Variants in LRRK1 observed in about 807,000 individuals in gnomAD.
LRRK1 encodes leucine-rich repeat serine/threonine-protein kinase 1.
Under a neutral mutation model 209.1 loss-of-function variants are expected in LRRK1, and 113 were observed. The observed-to-expected ratio is 0.54, with a 90% CI of 0.46 to 0.63. LRRK1 has a LOEUF of 0.63. Ranked by LOEUF, LRRK1 falls within the 30% of genes least tolerant of loss-of-function variation. The pLI, the probability that LRRK1 is intolerant of heterozygous loss-of-function variation, is 0.00. For synonymous variants in LRRK1, 1,144 were observed against 1,099.7 expected (o/e 1.04, Z -0.80); for missense variants, 2,284 against 2,632.2 (o/e 0.87, Z 2.89).
rs529806762 is a variant in LRRK1 at position 101,000,875 on chromosome 15, G to A, written c.763-7962G>A. The stretch of plus-strand genomic sequence containing the variant: ...GCATATCTTTTTGGAGGGACACACT[G>A]CAACCCGTCACACCATCCTTGCTGC... On this transcript the variant is annotated intron_variant, in intron 6 of 33. Coordinates refer to ENST00000388948, the MANE Select transcript of LRRK1 (RefSeq NM_024652.6). 1.1e-4 allele frequency among the ~76,000 whole-genome samples: 16 copies of A among 152,286 alleles called. No individual in the cohort carries two copies. The South Asian group carries it at 3.3e-3, about 32-fold the overall frequency.
intron 2 of LRRK1, among the ~76,000 whole-genome samples, chr15:100,951,982 T>C (rs2042663507): frequency 2.0e-5 from 3 of 149,880 alleles, no homozygotes; most frequent in African/African-American, 4.9e-5. Flanking sequence ...ATAATAATAA[T>C]AATAAAATAA....
At chr15:101,020,369 CTTTTT>C (rs1258764876) in intron 12 of LRRK1, among the ~76,000 whole-genome samples, 1 of 98,456 alleles carries the variant, frequency 1.0e-5, no homozygotes, top group Non-Finnish European at 1.9e-5. Flanking sequence ...CGGTTCTGAA[CTTTTT>C]TTTTTTTTTT....
intron 6 of LRRK1, among the ~76,000 whole-genome samples, chr15:101,007,659 C>T (rs370934247): frequency 1.3e-5 from 2 of 152,100 alleles, no homozygotes; most frequent in Admixed American, 6.5e-5. Context: ...GGCCTCCTGC[C>T]GGGAGGCCGT....
At chr15:101,011,310 T>TAA (rs542617086) in intron 9 of LRRK1, among the ~76,000 whole-genome samples, 460 of 138,344 alleles carry the variant, frequency 3.3e-3, no homozygotes, top group Middle Eastern at 7.6e-3. Flanking sequence ...CTACTAAAAT[T>TAA]AAAAAAAAAA....
chr15:101,051,824 G>A lies in LRRK1; in HGVS notation c.3553G>A (p.Val1185Met), dbSNP rs866854209. 3 of 1,614,172 alleles carry A rather than the reference G, an allele frequency of 1.9e-6. No individual in the cohort carries two copies. The East Asian group carries it at 6.7e-5, about 36-fold the overall frequency. The change falls in exon 24 of 34, where the codon GTG becomes ATG. Residue 1185 changes from valine (V) to methionine (M), a missense_variant. Val to Met is a conservative substitution (Grantham distance 21). Around this residue, in one of 6 missense-constraint regions of LRRK1, gnomAD observed 780 missense variants for 985.2 expected, o/e 0.79. Transcript: ENST00000388948. ...GGACCCCAGTGAGAAATCAGAGGAT[G>A]TGCAGTACTTCGACATGGAAGACTG... is the stretch of plus-strand genomic sequence containing the variant. ...HTDPSEKSED[V>M]QYFDMEDCVL...
At chr15:101,048,447 G>A in intron 21 of LRRK1, 47 bp from the exon 22 acceptor site, 1 of 1,561,150 alleles carries the variant, frequency 6.4e-7, no homozygotes, top group Non-Finnish European at 8.7e-7. Flanking sequence ...CCCAGGGCCA[G>A]CGAGGAGCCC....
At chr15:100,956,455 C>CTTTTCTTTTTTTTTTTT in intron 2 of LRRK1, among the ~76,000 whole-genome samples, 1 of 60,536 alleles carries the variant, frequency 1.7e-5, no homozygotes, top group Non-Finnish European at 2.9e-5. Flanking sequence ...TTTTTTTTTT[C>CTTTTCTTTTTTTTTTTT]TTTTTTTTTT....
At chr15:101,065,130 CTT>C (rs1362105140) in intron 31 of LRRK1, 1 of 595,652 alleles carries the variant, frequency 1.7e-6, no homozygotes, top group African/African-American at 1.9e-5. Flanking sequence ...TGGCACATTC[CTT>C]TCTTTGCTGC....
chr15:100,961,557 G>A (rs1037210428), intron 2 of LRRK1, among the ~76,000 whole-genome samples: 3 of 151,944 alleles, frequency 2.0e-5, no homozygotes, highest in African/African-American at 4.8e-5. Context: ...GGAGGCTGAG[G>A]CAGGAGAATC....
At chr15:100,973,184 C>T (rs1449544021) in intron 2 of LRRK1, among the ~76,000 whole-genome samples, 1 of 152,216 alleles carries the variant, frequency 6.6e-6, no homozygotes, top group African/African-American at 2.4e-5. Flanking sequence ...CAAGGCTGGC[C>T]TCTCCTCCCG....
intron 2 of LRRK1, among the ~76,000 whole-genome samples, chr15:100,948,178 GTAGGTT>G (rs1321086142): frequency 6.6e-6 from 1 of 152,198 alleles, no homozygotes; most frequent in Non-Finnish European, 1.5e-5. Flanking sequence ...TGTTATGCAT[GTAGGTT>G]TCTGTTTCTG....
intron 2 of LRRK1, among the ~76,000 whole-genome samples, chr15:100,934,176 G>A (rs888673869): frequency 2.0e-5 from 3 of 152,132 alleles, no homozygotes; most frequent in Non-Finnish European, 2.9e-5. Flanking sequence ...AGGGAAATTT[G>A]CAGTCAGCTG....
intron 2 of LRRK1, among the ~76,000 whole-genome samples, chr15:100,965,848 C>T (rs1027677729): frequency 2.0e-5 from 3 of 152,252 alleles, no homozygotes; most frequent in Admixed American, 2.0e-4. Context: ...AAAATAATGA[C>T]ATAAATTATA....
intron 2 of LRRK1, among the ~76,000 whole-genome samples, chr15:100,936,826 G>A (rs2042307962): frequency 6.6e-6 from 1 of 152,224 alleles, no homozygotes; most frequent in Admixed American, 6.5e-5. Flanking sequence ...TAGGGATGGG[G>A]TAACCAGAGT....
intron 2 of LRRK1, among the ~76,000 whole-genome samples, chr15:100,955,851 G>A (rs887722979): frequency 6.6e-6 from 1 of 152,076 alleles, no homozygotes; most frequent in African/African-American, 2.4e-5. Context: ...CTTCATAATG[G>A]TGTATGATTT....
intron 12 of LRRK1, among the ~76,000 whole-genome samples, chr15:101,019,451 G>A (rs1377427947): frequency 6.6e-6 from 1 of 152,182 alleles, no homozygotes; most frequent in East Asian, 1.9e-4. Flanking sequence ...TAGAAGGCCG[G>A]TGCACCTTTA....
chr15:101,058,513 A>T (rs1252499069), intron 29 of LRRK1, among the ~76,000 whole-genome samples: 1 of 151,862 alleles, frequency 6.6e-6, no homozygotes, highest in Non-Finnish European at 1.5e-5. Flanking sequence ...TCTTTTAAAA[A>T]ATTAGAAAAT....
chr15:101,045,932 A>C (rs1288036078), intron 20 of LRRK1, 49 bp from the exon 21 acceptor site: 4 of 1,533,988 alleles, frequency 2.6e-6, no homozygotes, highest in Non-Finnish European at 3.6e-6. Flanking sequence ...AGGGCCCTGC[A>C]GTGGAGCTTG....
chr15:101,073,875 C>T lies in LRRK1; in HGVS notation c.*5027C>T, dbSNP rs1375629096. The T allele has an allele frequency of 6.6e-6, 1 of 152,144 alleles. No homozygotes were observed. Among genetic ancestry groups the T allele is most frequent in the African/African-American group, 2.4e-5 (1 of 41,422 alleles). 9.4% of individuals were successfully genotyped at this position (152,144 alleles called of 1,614,324 possible). ...AAACTTAAAACCTCTTCAACTCACACCTGACCTAAAACCTAAATGCCTTAT... is the reference window on the plus strand; with the variant it reads ...AAACTTAAAACCTCTTCAACTCACATCTGACCTAAAACCTAAATGCCTTAT... On this transcript the variant is annotated 3_prime_UTR_variant, in exon 34 of 34. Transcript: ENST00000388948.
Sources: gnomAD v4.1 joint callset for allele counts (sites outside exome capture counted in the v4.1 genomes callset) on GRCh38, gnomAD v4.1.1 for gene constraint, gnomAD v4.1.1 regional missense constraint, MANE v1.5 for transcripts, NCBI Gene and HGNC (gene_info 2026-07-23, HGNC 2026-07-21) for gene names.